ADAMTS9: variants seen among roughly 807,000 people sequenced by gnomAD.
The protein encoded by ADAMTS9 is A disintegrin and metalloproteinase with thrombospondin motifs 9.
ADAMTS9 carries 107 observed loss-of-function variants against 257.1 expected under a neutral mutation model. The observed-to-expected ratio is 0.42, with a 90% CI of 0.36 to 0.49. The LOEUF is 0.49. Ranked by LOEUF, ADAMTS9 falls within the 20% of genes least tolerant of loss-of-function variation. The pLI is 0.03. For synonymous variants in ADAMTS9, 982 were observed against 880.9 expected, an observed-to-expected ratio of 1.11 and a Z score of -2.03; for missense variants, 2,353 against 2,469.1, an observed-to-expected ratio of 0.95 and a Z score of 1.00.
intron 12 of ADAMTS9, among the ~76,000 whole-genome samples, chr3:64,635,461 T>A (rs9311903): frequency 1.3e-5 from 2 of 151,972 alleles, no homozygotes; most frequent in African/African-American, 4.8e-5. Flanking sequence ...TCTAGGGATG[T>A]AAAATGGCAC....
chr3:64,538,197 CCTCT>C (rs1427274354), intron 37 of ADAMTS9, among the ~76,000 whole-genome samples: 3 of 152,134 alleles, frequency 2.0e-5, no homozygotes, highest in African/African-American at 7.2e-5. Flanking sequence ...AACCTGTCAT[CCTCT>C]CTAATAGGCT....
At chr3:64,618,860 C>A (rs150496985) in intron 19 of ADAMTS9, among the ~76,000 whole-genome samples, 8 of 152,136 alleles carry the variant, frequency 5.3e-5, no homozygotes, top group African/African-American at 1.9e-4. Flanking sequence ...TTCGGGGGTA[C>A]CTTTTAATGT....
intron 16 of ADAMTS9, among the ~76,000 whole-genome samples, chr3:64,623,632 C>A (rs1016514635): frequency 2.6e-5 from 4 of 152,198 alleles, no homozygotes; most frequent in Non-Finnish European, 5.9e-5. Flanking sequence ...AAGATTAATA[C>A]ACCAACCCAG....
chr3:64,538,690 TGCTTGAACTG>T (rs952579155), intron 37 of ADAMTS9, among the ~76,000 whole-genome samples: 35 of 152,334 alleles, frequency 2.3e-4, no homozygotes, highest in African/African-American at 7.5e-4. Context: ...TGTTGGCACG[TGCTTGAACTG>T]GCTTTTGAGA....
chr3:64,596,772 A>G, intron 27 of ADAMTS9, 58 bp downstream of exon 27: 1 of 1,595,476 alleles, frequency 6.3e-7, no homozygotes, highest in South Asian at 1.1e-5. Context: ...TCTGAATGAT[A>G]AATACAGTTT....
intron 31 of ADAMTS9, among the ~76,000 whole-genome samples, chr3:64,547,361 AG>A (rs2083214842): frequency 7.8e-6 from 1 of 127,922 alleles, no homozygotes; most frequent in Non-Finnish European, 1.7e-5. Flanking sequence ...AGACAGCAGC[AG>A]CTGACCCGTG....
chr3:64,596,628 C>G (rs533000479), intron 27 of ADAMTS9, among the ~76,000 whole-genome samples: 1 of 152,276 alleles, frequency 6.6e-6, no homozygotes, highest in African/African-American at 2.4e-5. Flanking sequence ...TTTTCCTCAC[C>G]TGTGTACCCA....
chr3:64,526,595 C>T (rs536660164), intron 38 of ADAMTS9, among the ~76,000 whole-genome samples: 6 of 152,260 alleles, frequency 3.9e-5, no homozygotes, highest in Middle Eastern at 6.8e-3. Context: ...AGGGCCTTCA[C>T]GATACAGGCA....
intron 38 of ADAMTS9, among the ~76,000 whole-genome samples, chr3:64,530,617 G>C (rs948445976): frequency 1.3e-5 from 2 of 151,654 alleles, no homozygotes; most frequent in African/African-American, 4.9e-5. Flanking sequence ...TTGGGGAACA[G>C]CCAGTGTAGT....
At position 64,616,236 on chromosome 3, in the gene ADAMTS9, C is replaced by A; in HGVS notation, c.2814-66G>T. On this transcript the variant is annotated intron_variant, in intron 19 of 39. Transcript: ENST00000498707. ...AAATATATGCCTTATCTATAGTCAA[C>A]TGGTATTCATAGAAGAGTTGAGTTC... The A allele has an allele frequency of 2.0e-6, 3 of 1,533,684 alleles. No homozygotes were observed. The South Asian group carries it at 3.4e-5, about 17-fold the overall frequency.
intron 11 of ADAMTS9, among the ~76,000 whole-genome samples, chr3:64,643,445 A>ATTTTTTTTTTTTTTTTTTTTTTTTT (rs57471985): frequency 4.9e-5 from 3 of 61,416 alleles, no homozygotes; most frequent in Non-Finnish European, 5.7e-5. Flanking sequence ...TTACTCAATA[A>ATTTTTTTTTTTTTTTTTTTTTTTTT]TTTTTTTTTT....
At chr3:64,628,404 A>T (rs1034727229) in intron 16 of ADAMTS9, among the ~76,000 whole-genome samples, 3 of 152,186 alleles carry the variant, frequency 2.0e-5, no homozygotes, top group Non-Finnish European at 4.4e-5. Flanking sequence ...GAAAGGAGCA[A>T]CTCAACATGG....
intron 8 of ADAMTS9, among the ~76,000 whole-genome samples, chr3:64,653,277 A>G (rs1700977492): frequency 6.6e-6 from 1 of 152,234 alleles, no homozygotes. Flanking sequence ...TGCCTCAGAA[A>G]CCACGAGGAT....
At position 64,687,685 on chromosome 3, in the gene ADAMTS9, C is replaced by T; in HGVS notation, c.-28G>A. 1 of 1,441,136 alleles carries T rather than the reference C, an allele frequency of 6.9e-7. No individual in the cohort carries two copies. The highest frequency in any genetic ancestry group is 9.3e-7 in the Non-Finnish European group (1 of 1,072,228). 89.3% of individuals were successfully genotyped at this position (1,441,136 alleles called of 1,614,324 possible). ...TGCTTCCCACCCCTCCCTCCGCTGC[C>T]CCCACCCCCCTCCCTCCTGCCCTCC... On this transcript the variant is annotated 5_prime_UTR_variant, in exon 1 of 40. Transcript: ENST00000498707. This position sits in a 1 kb window ranked among gnomAD's most constrained non-coding sequence, Gnocchi z 4.4.
chr3:64,539,777 G>A (rs1019731591), intron 36 of ADAMTS9, among the ~76,000 whole-genome samples: 4 of 152,258 alleles, frequency 2.6e-5, no homozygotes, highest in African/African-American at 9.6e-5. Flanking sequence ...CAGTATTATT[G>A]CCAAAATGTG....
intron 32 of ADAMTS9, among the ~76,000 whole-genome samples, chr3:64,545,986 G>A (rs1044042299): frequency 3.3e-5 from 5 of 152,182 alleles, no homozygotes; most frequent in Non-Finnish European, 5.9e-5. Context: ...AAAATATTCT[G>A]CCTTGTTGTA....
rs140921230 is a variant in ADAMTS9, at chr3:64,624,337, T to C, written c.2390-1751A>G. Among the ~76,000 whole-genome samples the C allele has an allele frequency of 3.9e-3, 600 of 151,944 alleles. 3 individuals are homozygous for C. The highest frequency in any genetic ancestry group is 5.6e-3 in the Non-Finnish European group (383 of 67,946). On this transcript the variant is annotated intron_variant, in intron 16 of 39. Coordinates refer to ENST00000498707, the MANE Select transcript of ADAMTS9 (RefSeq NM_182920.2). The stretch of plus-strand genomic sequence containing the variant: ...AAAGAAAAAAGAAAACAAAAGGAAA[T>C]GGTAACTATATGGGTGATAGATACA...
At chr3:64,679,587 A>G (rs758975676) in intron 3 of ADAMTS9, among the ~76,000 whole-genome samples, 21 of 152,168 alleles carry the variant, frequency 1.4e-4, no homozygotes, top group Non-Finnish European at 2.5e-4. Context: ...TTTAGGGGAG[A>G]AGAATATCAT....
chr3:64,641,578 T>G (rs1016200244), intron 12 of ADAMTS9, among the ~76,000 whole-genome samples: 2 of 149,832 alleles, frequency 1.3e-5, no homozygotes, highest in African/African-American at 4.9e-5. Context: ...CCTGCCTGAT[T>G]GTCAACACTA....
Sources: allele counts gnomAD v4.1 joint callset (sites outside exome capture counted in the v4.1 genomes callset), GRCh38; gene constraint gnomAD v4.1.1; non-coding constraint Gnocchi (gnomAD v3.1); transcripts MANE v1.5; gene names NCBI Gene and HGNC (gene_info 2026-07-23, HGNC 2026-07-21).